The following DNER variants were observed in gnomAD, a reference collection of about 807,000 sequenced individuals.
The protein encoded by DNER is delta/notch like EGF repeat containing, also known as delta and Notch-like epidermal growth factor-related receptor.
A neutral mutation model predicts 78.2 loss-of-function variants in DNER; 33 were observed. That is an observed-to-expected ratio of 0.42 (90% CI 0.32 to 0.56). The LOEUF is 0.56. DNER is among the 20% of genes least tolerant of loss of function. The pLI is 0.11. For missense variants in DNER, 918 were observed against 975.3 expected, an observed-to-expected ratio of 0.94 and a Z score of 0.78; for synonymous variants, 417 against 384.8, an observed-to-expected ratio of 1.08 and a Z score of -0.98.
At chr2:229,453,919 T>TTAA (rs1694512940) in intron 7 of DNER, among the ~76,000 whole-genome samples, 1 of 51,120 alleles carries the variant, frequency 2.0e-5, no homozygotes. Context: ...ATAAAATATA[T>TTAA]TAAAAAAAAA....
At chr2:229,459,288 C>T (rs969068384) in intron 7 of DNER, among the ~76,000 whole-genome samples, 4 of 151,900 alleles carry the variant, frequency 2.6e-5, no homozygotes, top group Non-Finnish European at 4.4e-5. Flanking sequence ...AAGTAAGTAG[C>T]TCTTATATGT....
At chr2:229,652,526 G>A (rs1183690490) in intron 1 of DNER, among the ~76,000 whole-genome samples, 2 of 152,174 alleles carry the variant, frequency 1.3e-5, no homozygotes. Context: ...AAAGAGAGAG[G>A]TGGAAGAAAA....
chr2:229,503,991 A>T (rs1322769980), intron 6 of DNER, among the ~76,000 whole-genome samples: 1 of 151,888 alleles, frequency 6.6e-6, no homozygotes, highest in African/African-American at 2.4e-5. Context: ...TGATCTGCCC[A>T]CCTTGGCCTC....
intron 1 of DNER, among the ~76,000 whole-genome samples, chr2:229,645,598 G>T (rs1432300537): frequency 6.6e-6 from 1 of 152,186 alleles, no homozygotes; most frequent in Non-Finnish European, 1.5e-5. Context: ...CTTCAAATCA[G>T]GTCACCTTTA....
At chr2:229,698,723 T>TA (rs1409593322) in intron 1 of DNER, among the ~76,000 whole-genome samples, 4 of 152,084 alleles carry the variant, frequency 2.6e-5, no homozygotes, top group Middle Eastern at 3.4e-3. Context: ...CTTGGTAAAA[T>TA]AAAAAAATAA....
chr2:229,433,228 G>A (rs1457127123), intron 8 of DNER, among the ~76,000 whole-genome samples: 3 of 152,150 alleles, frequency 2.0e-5, no homozygotes, highest in African/African-American at 7.2e-5. Context: ...GTGAGCCACC[G>A]TGCCCAGCCG....
intron 11 of DNER, among the ~76,000 whole-genome samples, chr2:229,387,544 A>AAAGG (rs1692910659): frequency 4.0e-5 from 6 of 150,758 alleles, no homozygotes; most frequent in Non-Finnish European, 5.9e-5. Context: ...AGAAAGAAAG[A>AAAGG]AAGAAAGAAA....
chr2:229,536,629 C>T (rs1285651309), intron 5 of DNER, among the ~76,000 whole-genome samples: 1 of 152,166 alleles, frequency 6.6e-6, no homozygotes, highest in African/African-American at 2.4e-5. Context: ...AAAGCTGACC[C>T]ACCAAGCTCC....
At chr2:229,690,987 A>G (rs1429679886) in intron 1 of DNER, among the ~76,000 whole-genome samples, 1 of 152,222 alleles carries the variant, frequency 6.6e-6, no homozygotes, top group Non-Finnish European at 1.5e-5. Context: ...ATGCTGTGTC[A>G]GTAAAGCTAC....
intron 9 of DNER, among the ~76,000 whole-genome samples, chr2:229,416,195 T>A (rs1559345732): frequency 6.6e-6 from 1 of 152,246 alleles, no homozygotes; most frequent in Non-Finnish European, 1.5e-5. Context: ...CACTTCCTCA[T>A]ATTTTGATTC....
At chr2:229,680,973 G>A (rs1269184336) in intron 1 of DNER, among the ~76,000 whole-genome samples, 2 of 152,184 alleles carry the variant, frequency 1.3e-5, no homozygotes, top group Non-Finnish European at 2.9e-5. Context: ...AGATGGGAGT[G>A]GAGAGGAAGT....
intron 7 of DNER, among the ~76,000 whole-genome samples, chr2:229,469,898 C>T (rs1018611072): frequency 5.9e-5 from 9 of 152,238 alleles, no homozygotes; most frequent in Admixed American, 3.9e-4. Flanking sequence ...GAGCCAAGAT[C>T]GCGCCATTGC....
chr2:229,671,595 C>T (rs1435308857), intron 1 of DNER, among the ~76,000 whole-genome samples: 3 of 152,136 alleles, frequency 2.0e-5, no homozygotes, highest in Non-Finnish European at 4.4e-5. Context: ...TGTCCTATGC[C>T]CACCACAAAG....
Position 229,388,373 on chromosome 2 carries a change from T to G in DNER, c.1747A>C (p.Asn583His). 6.2e-7 allele frequency: 1 copy of G among 1,611,350 alleles called. No homozygotes were observed. The change falls in exon 11 of 13, where the codon AAT becomes CAT. Residue 583 changes from asparagine (N) to histidine (H), a missense_variant. Transcript: ENST00000341772. ...FTGEECDIDI[N>H]ECDSNPCHHG... is the part of the protein sequence containing the mutation. ...TGGCAGGGGTTACTGTCACATTCAT[T>G]TATGTCAATGTCGCACTCTTCACCT...
At chr2:229,713,732 G>C (rs909974347) in intron 1 of DNER, among the ~76,000 whole-genome samples, 5 of 152,230 alleles carry the variant, frequency 3.3e-5, no homozygotes, top group Admixed American at 6.5e-5. Flanking sequence ...CCAGCCGGAC[G>C]TGGAGCGTGG....
chr2:229,562,127 G>A (rs918464893), intron 4 of DNER, among the ~76,000 whole-genome samples: 19 of 152,044 alleles, frequency 1.2e-4, no homozygotes, highest in Admixed American at 7.2e-4. Context: ...TGTATTTGAG[G>A]TCTCTCTATT....
chr2:229,414,435 T>A (rs1174625860), intron 9 of DNER, among the ~76,000 whole-genome samples: 1 of 151,800 alleles, frequency 6.6e-6, no homozygotes, highest in Non-Finnish European at 1.5e-5. Flanking sequence ...CCTGGCTAAT[T>A]TTCGTATTTT....
At chr2:229,361,929 C>CT (rs1423897403) in intron 12 of DNER, among the ~76,000 whole-genome samples, 1 of 151,992 alleles carries the variant, frequency 6.6e-6, no homozygotes, top group African/African-American at 2.4e-5. Flanking sequence ...GGGTGGAACA[C>CT]TTAGTGTTCA....
intron 4 of DNER, among the ~76,000 whole-genome samples, chr2:229,582,254 G>A (rs1404645256): frequency 6.6e-6 from 1 of 152,234 alleles, no homozygotes; most frequent in Non-Finnish European, 1.5e-5. Flanking sequence ...ACATGTTAAC[G>A]TAGTGAGCAT....
Sources: gnomAD v4.1 joint callset for allele counts (sites outside exome capture counted in the v4.1 genomes callset) on GRCh38, gnomAD v4.1.1 for gene constraint, MANE v1.5 for transcripts, NCBI Gene and HGNC (gene_info 2026-07-23, HGNC 2026-07-21) for gene names.